SENP7: variants seen among roughly 807,000 people sequenced by gnomAD.
The protein encoded by SENP7 is sentrin-specific protease 7.
In SENP7, 64 loss-of-function variants were observed where a neutral mutation model predicts 141.2. The ratio of observed to expected loss-of-function variants is 0.45; its 90% CI spans 0.37 to 0.56. The LOEUF is 0.56. Ranked by LOEUF, SENP7 falls within the 20% of genes least tolerant of loss-of-function variation. The probability of loss-of-function intolerance (pLI) is 0.00; values close to 1 mark genes in which losing one functional copy is unlikely to be tolerated. For synonymous variants in SENP7, 382 were observed against 426.4 expected, an observed-to-expected ratio of 0.90 and a Z score of 1.28; for missense variants, 1,025 against 1,212.2, an observed-to-expected ratio of 0.85 and a Z score of 2.29.
At chr3:101,335,332 G>C (rs966585376) in intron 17 of SENP7, among the ~76,000 whole-genome samples, 2 of 152,160 alleles carry the variant, frequency 1.3e-5, no homozygotes, top group Non-Finnish European at 2.9e-5. Flanking sequence ...CTAGTAGTTA[G>C]AGCCTTTTGA....
chr3:101,499,018 A>G (rs941692276), intron 2 of SENP7, among the ~76,000 whole-genome samples: 25 of 152,276 alleles, frequency 1.6e-4, no homozygotes, highest in African/African-American at 5.8e-4. Context: ...TACTGTATCA[A>G]TATAAATTCC....
intron 6 of SENP7, among the ~76,000 whole-genome samples, chr3:101,391,174 T>G (rs2060804846): frequency 6.6e-6 from 1 of 151,498 alleles, no homozygotes; most frequent in Non-Finnish European, 1.5e-5. Context: ...AAATGATGCA[T>G]CTCAAAAAAC....
intron 4 of SENP7, among the ~76,000 whole-genome samples, chr3:101,428,078 T>G (rs764019510): frequency 1.3e-5 from 2 of 152,262 alleles, no homozygotes; most frequent in African/African-American, 2.4e-5. Flanking sequence ...TGCCATGTTT[T>G]CTTTATCCAG....
chr3:101,489,245 C>A (rs577525463), intron 3 of SENP7, among the ~76,000 whole-genome samples: 1 of 152,280 alleles, frequency 6.6e-6, no homozygotes, highest in Non-Finnish European at 1.5e-5. Context: ...CACTACAAAG[C>A]AACTATACAG....
chr3:101,417,494 C>G (rs879173984), intron 5 of SENP7, 99 bp downstream of exon 5: 2 of 989,882 alleles, frequency 2.0e-6, no homozygotes, highest in South Asian at 2.8e-5. Context: ...ATATGCAAAT[C>G]TCCTTTCAGG....
chr3:101,346,016 T>C (rs545900949), intron 13 of SENP7, among the ~76,000 whole-genome samples: 1 of 152,120 alleles, frequency 6.6e-6, no homozygotes, highest in African/African-American at 2.4e-5. Flanking sequence ...TCACAATCTA[T>C]GCATCCAACA....
chr3:101,338,619 A>G (rs2059250198), intron 16 of SENP7, among the ~76,000 whole-genome samples: 1 of 152,200 alleles, frequency 6.6e-6, no homozygotes, highest in Non-Finnish European at 1.5e-5. Flanking sequence ...AGACAGCTGC[A>G]AAGTCCTCTT....
intron 3 of SENP7, among the ~76,000 whole-genome samples, chr3:101,469,542 C>T (rs62280734): frequency 0.016 from 1,939 of 122,690 alleles, 500 homozygotes; most frequent in Non-Finnish European, 0.023. Context: ...ACAGATATCA[C>T]GGCCGGGCGC....
At chr3:101,434,927 A>G (rs1369050234) in intron 4 of SENP7, among the ~76,000 whole-genome samples, 1 of 152,168 alleles carries the variant, frequency 6.6e-6, no homozygotes, top group Non-Finnish European at 1.5e-5. Flanking sequence ...CTACAAGTCC[A>G]GTATTACCCT....
At chr3:101,355,466 G>A (rs550957024) in intron 11 of SENP7, among the ~76,000 whole-genome samples, 2 of 152,270 alleles carry the variant, frequency 1.3e-5, no homozygotes, top group Non-Finnish European at 2.9e-5. Context: ...ATTGAATAGT[G>A]AGTGCTTTCC....
chr3:101,448,885 T>C (rs531844785), intron 4 of SENP7, among the ~76,000 whole-genome samples: 2 of 152,210 alleles, frequency 1.3e-5, no homozygotes, highest in Admixed American at 6.5e-5. Context: ...AGAATGACTT[T>C]GACGAGTTGA....
chr3:101,380,786 A>G (rs1158440659), intron 6 of SENP7, among the ~76,000 whole-genome samples: 1 of 152,198 alleles, frequency 6.6e-6, no homozygotes, highest in Non-Finnish European at 1.5e-5. Flanking sequence ...GTATCCAGAT[A>G]CATACTATTT....
intron 20 of SENP7, among the ~76,000 whole-genome samples, chr3:101,328,965 T>C (rs2058975081): frequency 6.6e-6 from 1 of 152,196 alleles, no homozygotes; most frequent in Non-Finnish European, 1.5e-5. Context: ...CAAGTTATTA[T>C]CTTAAGCAAA....
At chr3:101,329,197 T>C (rs2107190364) in intron 20 of SENP7, among the ~76,000 whole-genome samples, 1 of 152,352 alleles carries the variant, frequency 6.6e-6, no homozygotes, top group South Asian at 2.1e-4. Context: ...ACCTTCTCAG[T>C]GCCTTTATTA....
intron 11 of SENP7, among the ~76,000 whole-genome samples, chr3:101,359,952 T>C (rs779570060): frequency 2.6e-5 from 4 of 151,928 alleles, no homozygotes; most frequent in Non-Finnish European, 4.4e-5. Flanking sequence ...TTGTTTAATA[T>C]TTATATTGGA....
intron 11 of SENP7, among the ~76,000 whole-genome samples, chr3:101,354,729 C>T (rs903613995): frequency 1.3e-5 from 2 of 151,990 alleles, no homozygotes; most frequent in African/African-American, 4.8e-5. Context: ...GGTAGAATGA[C>T]TTATATTTGT....
chr3:101,475,965 C>T (rs1264687378), intron 3 of SENP7, among the ~76,000 whole-genome samples: 1 of 152,058 alleles, frequency 6.6e-6, no homozygotes, highest in African/African-American at 2.4e-5. Context: ...AAAAATTGAA[C>T]ATTTCTGCAC....
chr3:101,339,302 C>G (rs948024183), intron 16 of SENP7, among the ~76,000 whole-genome samples: 2 of 152,104 alleles, frequency 1.3e-5, no homozygotes, highest in Admixed American at 1.3e-4. Flanking sequence ...TAGGAGATAT[C>G]TCCATCAACT....
chr3:101,481,688 T>C lies in SENP7; in HGVS notation c.186+12185A>G, dbSNP rs550361775. On this transcript the variant is annotated intron_variant, in intron 3 of 23. Transcript: ENST00000394095. ...TAGAAATAATAAATGCTTGTGATGATGGATATCCTCAACACCCTGATTTGG... is the reference window on the plus strand; with the variant it reads ...TAGAAATAATAAATGCTTGTGATGACGGATATCCTCAACACCCTGATTTGG... 5.9e-4 allele frequency among the ~76,000 whole-genome samples: 90 copies of C among 152,362 alleles called. 1 individual carries two copies. Among genetic ancestry groups the C allele is most frequent in the Non-Finnish European group, 4.7e-4 (32 of 68,040 alleles).
Sources: gnomAD v4.1 joint callset for allele counts (sites outside exome capture counted in the v4.1 genomes callset) on GRCh38, gnomAD v4.1.1 for gene constraint, MANE v1.5 for transcripts, NCBI Gene and HGNC (gene_info 2026-07-23, HGNC 2026-07-21) for gene names.